KCNH7: variants seen among roughly 807,000 people sequenced by gnomAD.
The protein encoded by KCNH7 is voltage-gated inwardly rectifying potassium channel KCNH7.
A neutral mutation model predicts 120.8 loss-of-function variants in KCNH7; 49 were observed. That is an observed-to-expected ratio of 0.41 (90% CI 0.32 to 0.51). The LOEUF is 0.51. Ranked by LOEUF, KCNH7 falls within the 20% of genes least tolerant of loss-of-function variation. KCNH7 has a pLI of 0.38. For missense variants in KCNH7, 1,097 were observed against 1,446.6 expected, an observed-to-expected ratio of 0.76 and a Z score of 3.92; for synonymous variants, 547 against 516.1, an observed-to-expected ratio of 1.06 and a Z score of -0.81.
At chr2:162,538,690 C>A (rs1418700964) in intron 2 of KCNH7, among the ~76,000 whole-genome samples, 1 of 151,960 alleles carries the variant, frequency 6.6e-6, no homozygotes, top group Non-Finnish European at 1.5e-5. Context: ...GAGCTGAGAA[C>A]AAAAGCTATT....
chr2:162,685,103 A>T (rs1397567958), intron 2 of KCNH7, among the ~76,000 whole-genome samples: 1 of 152,192 alleles, frequency 6.6e-6, no homozygotes, highest in African/African-American at 2.4e-5. Context: ...AGAACAGAAA[A>T]CCAAACGCCA....
intron 2 of KCNH7, among the ~76,000 whole-genome samples, chr2:162,829,033 A>C (rs1224350831): frequency 2.6e-5 from 4 of 152,132 alleles, no homozygotes; most frequent in Non-Finnish European, 5.9e-5. Context: ...GCTTTTCTTA[A>C]TTAGATATTT....
intron 6 of KCNH7, among the ~76,000 whole-genome samples, chr2:162,490,796 T>C (rs888622334): frequency 6.6e-6 from 1 of 152,210 alleles, no homozygotes; most frequent in Non-Finnish European, 1.5e-5. Context: ...TCATGGCACC[T>C]CTTTTTAAAT....
chr2:162,441,996 CTTCTTT>C (rs1688430036), intron 7 of KCNH7, among the ~76,000 whole-genome samples: 2 of 14,534 alleles, frequency 1.4e-4, no homozygotes, highest in Admixed American at 1.4e-3. Flanking sequence ...ATAGTTAGGT[CTTCTTT>C]TTTTTTTTTT....
chr2:162,392,771 A>G (rs1686782520), intron 12 of KCNH7, among the ~76,000 whole-genome samples: 3 of 151,968 alleles, frequency 2.0e-5, no homozygotes, highest in African/African-American at 7.2e-5. Context: ...AGTTAAGGGA[A>G]GGATATTATG....
chr2:162,542,061 T>C (rs1388740951), intron 2 of KCNH7, among the ~76,000 whole-genome samples: 1 of 151,978 alleles, frequency 6.6e-6, no homozygotes, highest in Non-Finnish European at 1.5e-5. Flanking sequence ...TTAGTATTAG[T>C]GATGTCTTAA....
At chr2:162,419,274 TAAAAAA>T (rs758417385) in intron 9 of KCNH7, among the ~76,000 whole-genome samples, 4 of 61,884 alleles carry the variant, frequency 6.5e-5, no homozygotes, top group African/African-American at 1.8e-4. Flanking sequence ...TGTCCCAGGC[TAAAAAA>T]AAAAAAAAAA....
chr2:162,507,626 T>C (rs1201408299), intron 5 of KCNH7, among the ~76,000 whole-genome samples: 3 of 151,608 alleles, frequency 2.0e-5, no homozygotes, highest in Non-Finnish European at 3.0e-5. Context: ...ATACATGTCC[T>C]GACATCTAGT....
chr2:162,423,632 C>G, intron 8 of KCNH7, 97 bp from the exon 9 acceptor site: 1 of 1,084,064 alleles, frequency 9.2e-7, no homozygotes, highest in Admixed American at 2.3e-5. Context: ...TTATCTCAAT[C>G]TAGTGGGGAT....
intron 2 of KCNH7, among the ~76,000 whole-genome samples, chr2:162,558,865 C>T (rs954978274): frequency 1.3e-5 from 2 of 151,036 alleles, no homozygotes; most frequent in Non-Finnish European, 2.9e-5. Context: ...ATATCGAGAC[C>T]ATCCACGGTG....
intron 9 of KCNH7, among the ~76,000 whole-genome samples, chr2:162,415,689 A>AT (rs200068684): frequency 6.6e-6 from 1 of 152,174 alleles, no homozygotes. Flanking sequence ...TTTAATAACA[A>AT]TTTTTTTAAA....
chr2:162,611,653 CAA>C (rs1399424231), intron 2 of KCNH7, among the ~76,000 whole-genome samples: 1 of 152,122 alleles, frequency 6.6e-6, no homozygotes, highest in Non-Finnish European at 1.5e-5. Context: ...ACATTAATAA[CAA>C]GAGTAAAAAG....
intron 2 of KCNH7, among the ~76,000 whole-genome samples, chr2:162,721,120 G>A (rs1011884854): frequency 2.0e-5 from 3 of 152,054 alleles, no homozygotes; most frequent in Non-Finnish European, 2.9e-5. Context: ...ATCATTGTGT[G>A]GCATTTCTAC....
chr2:162,634,027 T>C (rs1337755612), intron 2 of KCNH7, among the ~76,000 whole-genome samples: 1 of 152,058 alleles, frequency 6.6e-6, no homozygotes, highest in African/African-American at 2.4e-5. Context: ...CTAGAATATG[T>C]ATTTATCTGT....
intron 2 of KCNH7, among the ~76,000 whole-genome samples, chr2:162,821,567 G>A (rs1209975309): frequency 6.6e-6 from 1 of 152,168 alleles, no homozygotes; most frequent in Non-Finnish European, 1.5e-5. Context: ...TTTGAAAAAT[G>A]TCAGATATAG....
At chr2:162,405,839 C>T (rs1026323362) in intron 9 of KCNH7, among the ~76,000 whole-genome samples, 1 of 151,910 alleles carries the variant, frequency 6.6e-6, no homozygotes, top group African/African-American at 2.4e-5. Flanking sequence ...AAGTTTAGCT[C>T]AGGCCTGTGA....
chr2:162,398,591 G>A (rs187570031), intron 10 of KCNH7, among the ~76,000 whole-genome samples: 2 of 151,844 alleles, frequency 1.3e-5, no homozygotes, highest in African/African-American at 2.4e-5. Context: ...ATTAAATTAA[G>A]CATGGGCTTT....
intron 2 of KCNH7, among the ~76,000 whole-genome samples, chr2:162,693,156 G>C (rs1686175118): frequency 1.3e-5 from 2 of 152,156 alleles, no homozygotes; most frequent in South Asian, 2.1e-4. Flanking sequence ...TGCACTATTT[G>C]TTAGAGGTCT....
At chr2:162,466,221 G>A (rs1381051380) in intron 6 of KCNH7, among the ~76,000 whole-genome samples, 1 of 152,082 alleles carries the variant, frequency 6.6e-6, no homozygotes, top group African/African-American at 2.4e-5. Context: ...TGACAATATT[G>A]TATTATGAAA....
Sources: gnomAD v4.1 joint callset for allele counts (sites outside exome capture counted in the v4.1 genomes callset) on GRCh38, gnomAD v4.1.1 for gene constraint, MANE v1.5 for transcripts, NCBI Gene and HGNC (gene_info 2026-07-23, HGNC 2026-07-21) for gene names.